Variants in SCFD2 observed in about 807,000 individuals in gnomAD.
SCFD2 encodes the protein sec1 family domain containing 2, also known as sec1 family domain-containing protein 2.
Under a neutral mutation model 58.9 loss-of-function variants are expected in SCFD2, and 54 were observed. The ratio of observed to expected loss-of-function variants is 0.92; its 90% CI spans 0.74 to 1.15. The LOEUF is 1.15. SCFD2 is among the 50% of genes most tolerant of loss of function. The probability of loss-of-function intolerance (pLI) is 0.00; values close to 1 mark genes in which losing one functional copy is unlikely to be tolerated. For missense variants in SCFD2, 805 were observed against 836.6 expected (o/e 0.96, Z 0.47); for synonymous variants, 321 against 335.9 (o/e 0.96, Z 0.49).
chr4:53,038,906 G>A (rs1185184671), intron 5 of SCFD2, among the ~76,000 whole-genome samples: 1 of 152,046 alleles, frequency 6.6e-6, no homozygotes, highest in Non-Finnish European at 1.5e-5. Flanking sequence ...GCCCAGGCTA[G>A]TCTTGAACTT....
At chr4:52,896,276 T>C (rs1416572230) in intron 7 of SCFD2, among the ~76,000 whole-genome samples, 1 of 152,226 alleles carries the variant, frequency 6.6e-6, no homozygotes, top group African/African-American at 2.4e-5. Flanking sequence ...GGTTTTCTTC[T>C]AAGTTTTTAT....
At chr4:53,315,620 T>C (rs1295433221) in intron 2 of SCFD2, among the ~76,000 whole-genome samples, 3 of 152,202 alleles carry the variant, frequency 2.0e-5, no homozygotes, top group Non-Finnish European at 4.4e-5. Flanking sequence ...ACTTAATTTC[T>C]CTAAAGCTCT....
At chr4:53,360,016 T>C (rs1284593558) in intron 1 of SCFD2, among the ~76,000 whole-genome samples, 1 of 152,232 alleles carries the variant, frequency 6.6e-6, no homozygotes, top group African/African-American at 2.4e-5. Flanking sequence ...AGCATGCTTC[T>C]AGGCTCTATC....
In SCFD2 at chr4:52,874,131, G is replaced by A. The variant is rs904301930; in HGVS notation, c.1963-70C>T. Reference sequence around the variant, plus strand: ...CCAATCTCAGGGTATTGGATGATGAGAAATAGAATGCAACAAATGTCTTTG... The same window carrying A: ...CCAATCTCAGGGTATTGGATGATGAAAAATAGAATGCAACAAATGTCTTTG... On this transcript the variant is annotated intron_variant, in intron 8 of 8. Coordinates refer to ENST00000401642, the MANE Select transcript of SCFD2 (RefSeq NM_152540.4). 20 of 1,018,138 alleles carry A rather than the reference G, an allele frequency of 2.0e-5. No homozygotes were observed. In the East Asian group the frequency reaches 4.8e-4, roughly 24 times the overall value. The allele number at this position is 1,018,138 out of a possible 1,614,324, so 63.1% of individuals were successfully genotyped here. A position where few individuals can be genotyped will look rare whatever the true frequency, so the allele number is the denominator to read the frequency against.
At chr4:52,972,699 A>C (rs1361908292) in intron 5 of SCFD2, among the ~76,000 whole-genome samples, 1 of 152,186 alleles carries the variant, frequency 6.6e-6, no homozygotes, top group Non-Finnish European at 1.5e-5. Context: ...TCCACCCCAA[A>C]TCAACAGAAT....
At chr4:53,123,385 G>C (rs2148893831) in intron 5 of SCFD2, among the ~76,000 whole-genome samples, 2 of 152,278 alleles carry the variant, frequency 1.3e-5, no homozygotes, top group South Asian at 4.1e-4. Flanking sequence ...GTTTGGCTAA[G>C]GAAATGGGAA....
At chr4:53,336,476 C>T (rs976838999) in intron 2 of SCFD2, among the ~76,000 whole-genome samples, 7 of 151,788 alleles carry the variant, frequency 4.6e-5, no homozygotes, top group Non-Finnish European at 1.0e-4. Context: ...CTCTATAAAC[C>T]CCAGTTTTCT....
intron 4 of SCFD2, among the ~76,000 whole-genome samples, chr4:53,181,351 A>G (rs563847516): frequency 5.3e-5 from 8 of 152,334 alleles, no homozygotes; most frequent in African/African-American, 1.9e-4. Context: ...CTGGTTCAAC[A>G]TACACAAATC....
At chr4:52,959,552 T>C (rs1720795402) in intron 5 of SCFD2, among the ~76,000 whole-genome samples, 1 of 152,150 alleles carries the variant, frequency 6.6e-6, no homozygotes, top group East Asian at 1.9e-4. Context: ...TCTTCAAGAA[T>C]GCAAGCCATT....
intron 3 of SCFD2, 75 bp from the exon 4 acceptor site, chr4:53,274,076 T>C: frequency 1.4e-5 from 18 of 1,256,822 alleles, no homozygotes; most frequent in Admixed American, 2.3e-5. Flanking sequence ...CCATTAATAA[T>C]ACCACTGTCT....
chr4:52,986,910 T>C (rs1721509310), intron 5 of SCFD2, among the ~76,000 whole-genome samples: 3 of 152,228 alleles, frequency 2.0e-5, no homozygotes, highest in African/African-American at 7.2e-5. Context: ...ACTGACAATA[T>C]TTGAACATTT....
At chr4:53,002,928 T>C (rs1162057994) in intron 5 of SCFD2, among the ~76,000 whole-genome samples, 1 of 152,146 alleles carries the variant, frequency 6.6e-6, no homozygotes, top group African/African-American at 2.4e-5. Context: ...TCTTACATGG[T>C]GGGAGTAGGA....
intron 2 of SCFD2, among the ~76,000 whole-genome samples, chr4:53,324,434 A>AT (rs1198266209): frequency 6.6e-6 from 1 of 151,710 alleles, no homozygotes; most frequent in South Asian, 2.1e-4. Flanking sequence ...AAAAAAAAAA[A>AT]AAAAAAGTAT....
At chr4:52,994,601 G>A (rs1721697699) in intron 5 of SCFD2, among the ~76,000 whole-genome samples, 1 of 152,172 alleles carries the variant, frequency 6.6e-6, no homozygotes, top group African/African-American at 2.4e-5. Context: ...ACTCTCAGGT[G>A]GTGTGGGGAT....
chr4:53,275,036 GCATTTATTTAGCAATTTACA>G (rs1400109749), intron 3 of SCFD2, among the ~76,000 whole-genome samples: 2 of 152,122 alleles, frequency 1.3e-5, no homozygotes, highest in African/African-American at 4.8e-5. Flanking sequence ...GAAACCACCT[GCATTTATTTAGCAATTTACA>G]CAGTGCTTAC....
intron 4 of SCFD2, among the ~76,000 whole-genome samples, chr4:53,230,554 T>C (rs1308605429): frequency 2.2e-5 from 3 of 134,892 alleles, no homozygotes; most frequent in East Asian, 4.4e-4. Flanking sequence ...TTCTCACTCA[T>C]AGGTGGGAAT....
intron 4 of SCFD2, among the ~76,000 whole-genome samples, chr4:53,213,425 A>T (rs1172310314): frequency 6.6e-6 from 1 of 152,082 alleles, no homozygotes; most frequent in Non-Finnish European, 1.5e-5. Context: ...CTTTGATACA[A>T]AAAGGGGTCT....
chr4:53,194,781 G>A (rs1728012339), intron 4 of SCFD2, among the ~76,000 whole-genome samples: 1 of 152,026 alleles, frequency 6.6e-6, no homozygotes, highest in South Asian at 2.1e-4. Context: ...GATGACCTCT[G>A]GCACAAATCA....
chr4:53,097,879 A>G, intron 5 of SCFD2, among the ~76,000 whole-genome samples: 1 of 152,150 alleles, frequency 6.6e-6, no homozygotes, highest in Non-Finnish European at 1.5e-5. Flanking sequence ...TATTATTTTG[A>G]GATATGTCCA....
Sources: gnomAD v4.1 joint callset for allele counts (sites outside exome capture counted in the v4.1 genomes callset) on GRCh38, gnomAD v4.1.1 for gene constraint, MANE v1.5 for transcripts, NCBI Gene and HGNC (gene_info 2026-07-23, HGNC 2026-07-21) for gene names.